Variants in LSAMP observed in about 807,000 individuals in gnomAD.
LSAMP encodes limbic system associated membrane protein.
A neutral mutation model predicts 38.6 loss-of-function variants in LSAMP; 7 were observed. The observed-to-expected ratio is 0.18, with a 90% confidence interval of 0.10 to 0.34. The LOEUF is 0.34. Ranked by LOEUF, LSAMP falls within the 10% of genes least tolerant of loss-of-function variation. The probability of loss-of-function intolerance (pLI) is 1.00; values close to 1 mark genes in which losing one functional copy is unlikely to be tolerated. For missense variants in LSAMP, 313 were observed against 420.0 expected (o/e 0.75, Z 2.23); for synonymous variants, 154 against 166.8 (o/e 0.92, Z 0.59).
intron 6 of LSAMP, among the ~76,000 whole-genome samples, chr3:115,818,766 TAA>T (rs1200321128): frequency 9.5e-6 from 1 of 105,202 alleles, no homozygotes; most frequent in East Asian, 3.4e-4. Context: ...TATATATATA[TAA>T]GAAAGAAGGA....
At chr3:116,165,099 G>A (rs1710017801) in intron 1 of LSAMP, among the ~76,000 whole-genome samples, 1 of 152,130 alleles carries the variant, frequency 6.6e-6, no homozygotes, top group South Asian at 2.1e-4. Flanking sequence ...TGTACAGATA[G>A]TATGTCTGAG....
At chr3:115,928,145 A>G (rs1410619812) in intron 3 of LSAMP, among the ~76,000 whole-genome samples, 1 of 152,228 alleles carries the variant, frequency 6.6e-6, no homozygotes, top group Non-Finnish European at 1.5e-5. Flanking sequence ...TCAAAATTAA[A>G]TAAAACCAAG....
At chr3:116,239,492 A>C (rs1319558897) in intron 1 of LSAMP, among the ~76,000 whole-genome samples, 2 of 152,236 alleles carry the variant, frequency 1.3e-5, no homozygotes, top group African/African-American at 4.8e-5. Flanking sequence ...CAGTGTTTGT[A>C]AGACAAAACA....
At chr3:116,129,335 G>A (rs906602030) in intron 1 of LSAMP, among the ~76,000 whole-genome samples, 5 of 151,852 alleles carry the variant, frequency 3.3e-5, no homozygotes, top group South Asian at 2.1e-4. Context: ...GAACATCCTC[G>A]GGCCAAAAAA....
At chr3:116,199,981 G>A (rs1056109930) in intron 1 of LSAMP, among the ~76,000 whole-genome samples, 1 of 151,962 alleles carries the variant, frequency 6.6e-6, no homozygotes, top group Non-Finnish European at 1.5e-5. Context: ...TTGCAGGTGA[G>A]GTAAACTGGA....
In LSAMP at chr3:116,444,989, C is replaced by G; in HGVS notation, c.43G>C (p.Val15Leu). Reference protein sequence around the residue: ...VQPDRKQLPLVLLRLLCLLPT... With the variant: ...VQPDRKQLPLLLLRLLCLLPT... ...AGAAGGCAGAGCAATCTCAGTAGGA[C>G]CAGTGGCAACTGTTTCCGATCCGGC... is the stretch of plus-strand genomic sequence containing the variant. The change falls in exon 1 of 7, where the codon GTC becomes CTC. Residue 15 changes from valine (V) to leucine (L), a missense_variant. Physicochemically the swap from Val to Leu is conservative, Grantham distance 32. Transcript: ENST00000490035. 6.2e-7 allele frequency: 1 copy of G among 1,614,050 alleles called. No homozygotes were observed. Among genetic ancestry groups the G allele is most frequent in the Non-Finnish European group, 8.5e-7 (1 of 1,180,004 alleles).
intron 2 of LSAMP, among the ~76,000 whole-genome samples, chr3:116,035,470 G>A (rs1449686895): frequency 6.6e-6 from 1 of 152,102 alleles, no homozygotes; most frequent in Non-Finnish European, 1.5e-5. Flanking sequence ...GAAGGAAAAG[G>A]GGGTGGGGAA....
chr3:116,008,664 C>T (rs1383152133), intron 3 of LSAMP, among the ~76,000 whole-genome samples: 1 of 151,928 alleles, frequency 6.6e-6, no homozygotes, highest in Non-Finnish European at 1.5e-5. Flanking sequence ...AGTATTATAA[C>T]CCCACCCCCA....
intron 1 of LSAMP, among the ~76,000 whole-genome samples, chr3:116,287,627 A>AAGAT (rs1232617872): frequency 2.6e-5 from 4 of 152,178 alleles, no homozygotes; most frequent in African/African-American, 7.2e-5. Context: ...AAACCTGAAA[A>AAGAT]AGATAAATGT....
At chr3:115,989,040 T>C (rs181002216) in intron 3 of LSAMP, among the ~76,000 whole-genome samples, 10 of 152,238 alleles carry the variant, frequency 6.6e-5, no homozygotes, top group Non-Finnish European at 1.3e-4. Context: ...ATTCATTTCT[T>C]AAAGGGCATT....
At chr3:115,867,574 G>T (rs1197101218) in intron 3 of LSAMP, among the ~76,000 whole-genome samples, 1 of 152,038 alleles carries the variant, frequency 6.6e-6, no homozygotes, top group Non-Finnish European at 1.5e-5. Flanking sequence ...TGAGGGAGAA[G>T]CCCTGAGCAA....
chr3:115,918,518 A>G (rs768253174), intron 3 of LSAMP, among the ~76,000 whole-genome samples: 1 of 152,146 alleles, frequency 6.6e-6, no homozygotes, highest in Non-Finnish European at 1.5e-5. Flanking sequence ...TGTTACCTAC[A>G]TCAGTCTCTC....
intron 3 of LSAMP, among the ~76,000 whole-genome samples, chr3:115,909,173 C>T (rs1937080694): frequency 6.6e-6 from 1 of 152,152 alleles, no homozygotes; most frequent in South Asian, 2.1e-4. Flanking sequence ...GCATCCTTAG[C>T]TTTGATCTTT....
chr3:115,812,481 T>C (rs551665051), intron 6 of LSAMP, among the ~76,000 whole-genome samples: 1 of 152,288 alleles, frequency 6.6e-6, no homozygotes, highest in South Asian at 2.1e-4. Flanking sequence ...CTATGTCTCC[T>C]ACTCCCACCC....
intron 6 of LSAMP, among the ~76,000 whole-genome samples, chr3:115,841,417 A>G (rs7613604): frequency 0.048 from 7,340 of 152,174 alleles, 582 homozygotes; most frequent in African/African-American, 0.17. Context: ...TCAGCACCTT[A>G]TCTATTCTCA....
intron 2 of LSAMP, among the ~76,000 whole-genome samples, chr3:116,077,263 A>T (rs1707764534): frequency 6.6e-6 from 1 of 151,880 alleles, no homozygotes; most frequent in Non-Finnish European, 1.5e-5. Context: ...AATAATAATG[A>T]TTGTTGGTAT....
chr3:116,167,002 A>T (rs538829935), intron 1 of LSAMP, among the ~76,000 whole-genome samples: 2 of 152,022 alleles, frequency 1.3e-5, no homozygotes, highest in African/African-American at 4.8e-5. Flanking sequence ...CGTGTTAGCC[A>T]GGATGGTCTT....
chr3:116,378,325 A>C (rs1191869993), intron 1 of LSAMP, among the ~76,000 whole-genome samples: 1 of 151,970 alleles, frequency 6.6e-6, no homozygotes, highest in Non-Finnish European at 1.5e-5. Flanking sequence ...TGGCACACTA[A>C]TTTTAGGTGA....
chr3:116,330,580 T>A (rs2107740368), intron 1 of LSAMP, among the ~76,000 whole-genome samples: 1 of 152,210 alleles, frequency 6.6e-6, no homozygotes, highest in South Asian at 2.1e-4. Context: ...TTTTTCTTTT[T>A]TTCTCCCTTT....
Sources: gnomAD v4.1 joint callset for allele counts (sites outside exome capture counted in the v4.1 genomes callset) on GRCh38, gnomAD v4.1.1 for gene constraint, MANE v1.5 for transcripts, NCBI Gene and HGNC (gene_info 2026-07-23, HGNC 2026-07-21) for gene names.